The following ENOSF1 variants were observed in gnomAD, a reference collection of about 807,000 sequenced individuals.
The protein encoded by ENOSF1 is enolase superfamily member 1.
Under a neutral mutation model 68.2 loss-of-function variants are expected in ENOSF1, and 73 were observed. That is an observed-to-expected ratio of 1.07 (90% CI 0.89 to 1.30). The LOEUF (loss-of-function observed/expected upper bound fraction) is 1.30, where lower values mean the gene tolerates loss of function less well. Among genes scored for constraint, ENOSF1 ranks in the 50% most tolerant of loss-of-function variants. The probability of loss-of-function intolerance (pLI) is 0.00; values close to 1 mark genes in which losing one functional copy is unlikely to be tolerated. For synonymous variants in ENOSF1, 223 were observed against 210.4 expected (o/e 1.06, Z -0.52); for missense variants, 589 against 554.5 (o/e 1.06, Z -0.62).
At chr18:669,366 A>ATTTTT (rs68090938), downstream of ENOSF1, 1,004 of 192,104 alleles carry the variant, frequency 5.2e-3, 12 homozygotes, top group African/African-American at 6.8e-3. Context: ...GGCCCAGAGG[A>ATTTTT]TTTTTTTTTT....
chr18:696,486 C>T (rs778669788), intron 3 of ENOSF1, among the ~76,000 whole-genome samples: 15 of 151,918 alleles, frequency 9.9e-5, no homozygotes, highest in Non-Finnish European at 1.8e-4. Context: ...GCTGGGATTA[C>T]AGGAGTGAGC....
chr18:677,859 A>G lies in ENOSF1; in HGVS notation c.932T>C (p.Val311Ala). 3 of 1,613,196 alleles carry G rather than the reference A, an allele frequency of 1.9e-6. No individual in the cohort carries two copies. The South Asian group carries it at 3.3e-5, about 18-fold the overall frequency. The change falls in exon 13 of 16, where the codon GTG becomes GCG. Residue 311 changes from valine to alanine, a missense_variant. Physicochemically the swap from Val to Ala is moderately conservative, Grantham distance 64. Transcript: ENST00000647584. ...CGCCTGTAGGAGTTGCTTAAATATCACTCTATTGTGGCACTGGAAATAGAA... is the reference window on the plus strand; with the variant it reads ...CGCCTGTAGGAGTTGCTTAAATATCGCTCTATTGTGGCACTGGAAATAGAA... ...IATGEQCHNR[V>A]IFKQLLQAKA...
chr18:681,822 C>T (rs979097535), intron 11 of ENOSF1, among the ~76,000 whole-genome samples: 8 of 152,154 alleles, frequency 5.3e-5, no homozygotes, highest in Non-Finnish European at 1.0e-4. Context: ...TTCTCTCCAG[C>T]GAGGCTGCAA....
intron 2 of ENOSF1, among the ~76,000 whole-genome samples, chr18:705,158 A>G (rs1188442094): frequency 2.0e-5 from 3 of 152,182 alleles, no homozygotes; most frequent in Non-Finnish European, 4.4e-5. Flanking sequence ...ATTTTTTTCT[A>G]CAACTACTGA....
chr18:683,166 A>AATTTTAGG, intron 11 of ENOSF1, 80 bp downstream of exon 11: 9 of 1,538,200 alleles, frequency 5.9e-6, no homozygotes, highest in Non-Finnish European at 7.9e-6. Context: ...CAAGTGAAGA[A>AATTTTAGG]ATTTTAGGAT....
chr18:689,260 C>T (rs886451930), intron 8 of ENOSF1, among the ~76,000 whole-genome samples: 6 of 152,052 alleles, frequency 3.9e-5, no homozygotes, highest in East Asian at 1.9e-4. Flanking sequence ...ACTTTCAGAA[C>T]GAGGGCTTGG....
chr18:697,139 T>C, intron 3 of ENOSF1, 101 bp downstream of exon 3: 2 of 856,640 alleles, frequency 2.3e-6, no homozygotes, highest in South Asian at 1.4e-5. Context: ...AATAAACAAA[T>C]AAATAAACCC....
chr18:690,702 A>AATCTGTTTCCCCTGGAGAGTCC, intron 7 of ENOSF1, 71 bp from the exon 8 acceptor site: 1 of 1,579,836 alleles, frequency 6.3e-7, no homozygotes, highest in South Asian at 1.2e-5. Flanking sequence ...GCCTGTAGCT[A>AATCTGTTTCCCCTGGAGAGTCC]AGCTGTTTCC....
rs973645990 is a variant in ENOSF1, at chr18:699,858, T to C, written c.194-2503A>G. Among the ~76,000 whole-genome samples, 12 of 152,310 alleles carry C rather than the reference T, an allele frequency of 7.9e-5. No homozygotes were observed. The East Asian group carries it at 1.2e-3, about 15-fold the overall frequency. ...ACTTTGGGAGGCCAAGGCCGGTGGA[T>C]TGCCTGAGGTCAAGAGTTTGAGACC... On this transcript the variant is annotated intron_variant, in intron 2 of 15. Coordinates refer to ENST00000647584, the MANE Select transcript of ENOSF1 (RefSeq NM_017512.7).
chr18:696,204 C>CTTTTTTT (rs368856668), intron 3 of ENOSF1, among the ~76,000 whole-genome samples: 116 of 118,696 alleles, frequency 9.8e-4, no homozygotes, highest in East Asian at 3.5e-3. Flanking sequence ...ACATCTCTCT[C>CTTTTTTT]TTTTTTTTTT....
At chr18:689,839 C>T (rs1012704897) in intron 8 of ENOSF1, among the ~76,000 whole-genome samples, 3 of 152,100 alleles carry the variant, frequency 2.0e-5, no homozygotes, top group Admixed American at 6.5e-5. Context: ...ACCAGAAAGA[C>T]CTGAAAGGCA....
In ENOSF1 at chr18:683,323, G is replaced by C. The variant is rs774899350; in HGVS notation, c.799C>G (p.Leu267Val). Residue 267 changes from leucine (L) to valine (V), a missense_variant, in exon 11 of 16, where the codon CTG becomes GTG. Leu to Val is a conservative substitution (Grantham distance 32). Coordinates refer to ENST00000647584, the MANE Select transcript of ENOSF1 (RefSeq NM_017512.7). ...VPEAVEWMSK[L>V]AKFKPLWIEE... ...ATCCACAATGGCTTGAACTTGGCCA[G>C]CTTGGACATCCACTCCACCGCCTCA... The C allele has an allele frequency of 2.5e-6, 4 of 1,614,172 alleles. No individual in the cohort carries two copies. In the East Asian group the frequency reaches 8.9e-5, roughly 36 times the overall value.
intron 1 of ENOSF1, among the ~76,000 whole-genome samples, chr18:709,192 G>A (rs2079247892): frequency 6.6e-6 from 1 of 152,160 alleles, no homozygotes; most frequent in South Asian, 2.1e-4. Context: ...AATGAGATCT[G>A]GGAGTCTCCG....
chr18:682,509 G>A (rs2076171203), intron 11 of ENOSF1, among the ~76,000 whole-genome samples: 1 of 152,094 alleles, frequency 6.6e-6, no homozygotes, highest in Admixed American at 6.6e-5. Flanking sequence ...TTCACTGACT[G>A]AAACATTGTT....
chr18:696,507 G>A (rs1417559032), intron 3 of ENOSF1, among the ~76,000 whole-genome samples: 11 of 151,800 alleles, frequency 7.2e-5, no homozygotes, highest in Non-Finnish European at 2.9e-5. Flanking sequence ...CACCGCGCCC[G>A]GCCTGACCTT....
At chr18:678,123 C>T (rs868797620) in intron 12 of ENOSF1, among the ~76,000 whole-genome samples, 2 of 152,142 alleles carry the variant, frequency 1.3e-5, no homozygotes, top group Non-Finnish European at 1.5e-5. Context: ...CACACTGGCT[C>T]GCCATTTATG....
intron 1 of ENOSF1, among the ~76,000 whole-genome samples, chr18:708,985 C>G (rs985790448): frequency 1.3e-5 from 2 of 152,018 alleles, no homozygotes; most frequent in East Asian, 3.9e-4. Flanking sequence ...AGATGAGGGT[C>G]AACAGGACGA....
At position 672,957 on chromosome 18, in the gene ENOSF1, A is replaced by G; in HGVS notation, c.*1348T>C. The stretch of plus-strand genomic sequence containing the variant: ...GCTGAAGACTTTCAGATTGAAGGGT[A>G]CAATCCGCATCCAACTATTAAAATG... On this transcript the variant is annotated 3_prime_UTR_variant, in exon 16 of 16. Coordinates refer to ENST00000647584, the MANE Select transcript of ENOSF1 (RefSeq NM_017512.7). The G allele has an allele frequency of 1.3e-6, 2 of 1,589,338 alleles. No individual in the cohort carries two copies. Among genetic ancestry groups the G allele is most frequent in the Non-Finnish European group, 1.7e-6 (2 of 1,161,228 alleles).
At chr18:676,271 T>G (rs1270777548) in intron 14 of ENOSF1, among the ~76,000 whole-genome samples, 1 of 152,240 alleles carries the variant, frequency 6.6e-6, no homozygotes, top group Non-Finnish European at 1.5e-5. Context: ...GGATTTGTTT[T>G]GGATTTGTGT....
Sources: gnomAD v4.1 joint callset for allele counts (sites outside exome capture counted in the v4.1 genomes callset) on GRCh38, gnomAD v4.1.1 for gene constraint, MANE v1.5 for transcripts, NCBI Gene and HGNC (gene_info 2026-07-23, HGNC 2026-07-21) for gene names.